Variants in SBK1 observed in about 807,000 individuals in gnomAD.
SBK1 encodes serine/threonine-protein kinase SBK1.
A neutral mutation model predicts 24.4 loss-of-function variants in SBK1; 11 were observed. The observed-to-expected ratio is 0.45, with a 90% CI of 0.28 to 0.75. The LOEUF is 0.75. Among genes scored for constraint, SBK1 ranks in the 30% least tolerant of loss-of-function variants. SBK1 has a pLI of 0.12. For synonymous variants in SBK1, 308 were observed against 284.4 expected, an observed-to-expected ratio of 1.08 and a Z score of -0.83; for missense variants, 467 against 620.5, an observed-to-expected ratio of 0.75 and a Z score of 2.63.
At chr16:28,263,332 A>G (rs1447795827) in intron 1 of SBK1, among the ~76,000 whole-genome samples, 1 of 152,246 alleles carries the variant, frequency 6.6e-6, no homozygotes, top group Non-Finnish European at 1.5e-5. Context: ...CAAGGTTCAA[A>G]GCCCATTGTG....
At chr16:28,313,423 C>T (rs2044768145) in intron 1 of SBK1, among the ~76,000 whole-genome samples, 1 of 151,644 alleles carries the variant, frequency 6.6e-6, no homozygotes, top group East Asian at 1.9e-4. Flanking sequence ...ATGGTGAAAC[C>T]CCATCTCTAC....
chr16:28,292,414 G>A, upstream of SBK1: 3 of 528,204 alleles, frequency 5.7e-6, no homozygotes, highest in Non-Finnish European at 7.2e-6. Context: ...GCGCTTGCGC[G>A]AGGGCGCGCG....
At chr16:28,265,528 C>T (rs2044422907) in intron 1 of SBK1, among the ~76,000 whole-genome samples, 1 of 151,668 alleles carries the variant, frequency 6.6e-6, no homozygotes, top group Non-Finnish European at 1.5e-5. Flanking sequence ...TTCAAGGTTA[C>T]AGTGATTGTA....
At position 28,321,160 on chromosome 16, in the gene SBK1, G is replaced by A. The variant is rs1484005777; in HGVS notation, c.*239G>A. 1 of 325,464 alleles carries A rather than the reference G, an allele frequency of 3.1e-6. No individual in the cohort carries two copies. The highest frequency in any genetic ancestry group is 5.6e-6 in the Non-Finnish European group (1 of 178,844). 20.2% of individuals were successfully genotyped at this position (325,464 alleles called of 1,614,324 possible). ...CAGAGGAGCCAAGCCGCACAGACCC[G>A]AGAATTCGGAGGCCACCACACAACA... On this transcript the variant is annotated 3_prime_UTR_variant, in exon 4 of 4. Transcript: ENST00000341901.
intron 1 of SBK1, among the ~76,000 whole-genome samples, chr16:28,297,543 C>A (rs2044649297): frequency 6.6e-6 from 1 of 152,128 alleles, no homozygotes; most frequent in South Asian, 2.1e-4. Flanking sequence ...CTGGATTCTG[C>A]CTGGGCTTGA....
chr16:28,307,739 C>CAAA (rs34787009), intron 1 of SBK1, among the ~76,000 whole-genome samples: 2 of 64,204 alleles, frequency 3.1e-5, no homozygotes, highest in African/African-American at 9.5e-5. Flanking sequence ...GACTCAGTCT[C>CAAA]AAAAAAAAAA....
chr16:28,317,971 G>T lies in SBK1; in HGVS notation c.226+354G>T, dbSNP rs1048143472. ...TATCACCAGCGTCTCAGGGATGTCT[G>T]GCCCCAGGAAGGTGGATGGAGAGTG... On this transcript the variant is annotated intron_variant, in intron 2 of 3. Transcript: ENST00000341901. The surrounding 1 kb of genome is among the most constrained non-coding windows in gnomAD (Gnocchi z 4.2). 6.6e-6 allele frequency among the ~76,000 whole-genome samples: 1 copy of T among 152,102 alleles called. No homozygotes were observed. The highest frequency in any genetic ancestry group is 2.4e-5 in the African/African-American group (1 of 41,412).
chr16:28,260,029 C>T (rs1163596582), intron 1 of SBK1, among the ~76,000 whole-genome samples: 1 of 151,998 alleles, frequency 6.6e-6, no homozygotes, highest in Non-Finnish European at 1.5e-5. Flanking sequence ...TGGCACCTAA[C>T]AGATGTTCCA....
intron 1 of SBK1, among the ~76,000 whole-genome samples, chr16:28,266,011 G>T (rs935312512): frequency 6.6e-6 from 1 of 151,840 alleles, no homozygotes; most frequent in Non-Finnish European, 1.5e-5. Flanking sequence ...ACAAAACCAG[G>T]TTTGATGTGG....
intron 1 of SBK1, among the ~76,000 whole-genome samples, chr16:28,303,881 C>T (rs1168677754): frequency 6.6e-6 from 1 of 152,146 alleles, no homozygotes; most frequent in Non-Finnish European, 1.5e-5. Flanking sequence ...CCCAAAGTGA[C>T]ACTGAGGCCC....
chr16:28,270,491 T>A (rs1382169397), intron 1 of SBK1, among the ~76,000 whole-genome samples: 1 of 151,930 alleles, frequency 6.6e-6, no homozygotes, highest in East Asian at 1.9e-4. Flanking sequence ...AGTGGCACAA[T>A]CATGTCTCAC....
At chr16:28,280,201 A>ATG (rs1244567625) in intron 1 of SBK1, among the ~76,000 whole-genome samples, 2 of 133,632 alleles carry the variant, frequency 1.5e-5, no homozygotes, top group Non-Finnish European at 3.2e-5. Flanking sequence ...ATGTACATAT[A>ATG]TGTATATATA....
intron 1 of SBK1, among the ~76,000 whole-genome samples, chr16:28,305,764 T>C (rs561681274): frequency 7.0e-6 from 1 of 142,290 alleles, no homozygotes; most frequent in East Asian, 2.2e-4. Context: ...TGGCCTTGAA[T>C]TCCTGACCTC....
Position 28,320,483 on chromosome 16 carries a change from G to A in SBK1, c.837G>A (p.Ser279=), listed in dbSNP as rs749706436. The change falls in exon 4 of 4, where the codon TCG becomes TCA. Residue 279 remains serine, a synonymous_variant. Transcript: ENST00000341901. The surrounding 1 kb of genome is among the most constrained non-coding windows in gnomAD (Gnocchi z 8.5). ...WQRGRLPGLP[S]QWRRFTEPAL... ...GGGGCCGCCTGCCGGGGCTGCCTTC[G>A]CAGTGGCGCCGCTTCACCGAGCCCG... is the stretch of plus-strand genomic sequence containing the variant. 5 of 1,573,662 alleles carry A rather than the reference G, an allele frequency of 3.2e-6. No homozygotes were observed. Among genetic ancestry groups the A allele is most frequent in the Non-Finnish European group, 4.3e-6 (5 of 1,166,694 alleles).
At position 28,286,988 on chromosome 16, in the gene SBK1, G is replaced by C. The variant is rs376328043; in HGVS notation, c.257+27486G>C. ...CAGGAGCCTGTAGTACCAGCTACCC[G>C]GGAGGCTGAGGCAGGAGAATTGCTT... On this transcript the variant is annotated intron_variant, in intron 1 of 3. Coordinates refer to the SBK1 transcript ENST00000671413. The C allele has an allele frequency of 1.1e-4, 17 of 152,090 alleles. 1 individual carries two copies. The highest frequency in any genetic ancestry group is 3.9e-4 in the African/African-American group (16 of 41,416). The allele number at this position is 152,090 out of a possible 1,614,324, so 9.4% of individuals were successfully genotyped here.
intron 1 of SBK1, among the ~76,000 whole-genome samples, chr16:28,270,521 G>A (rs1235414162): frequency 6.6e-6 from 1 of 151,830 alleles, no homozygotes; most frequent in Non-Finnish European, 1.5e-5. Flanking sequence ...AACCTCCTGA[G>A]CCCAAATGAT....
In SBK1 at chr16:28,320,475, C is replaced by G; in HGVS notation, c.829C>G (p.Leu277Val). The change falls in exon 4 of 4, where the codon CTG (leucine) becomes GTG (valine). Residue 277 changes from leucine to valine, a missense_variant. By Grantham distance (32) the Leu-to-Val change is conservative (BLOSUM62 1). Transcript: ENST00000341901. This position sits in a 1 kb window ranked among gnomAD's most constrained non-coding sequence, Gnocchi z 8.5. ...VRWQRGRLPG[L>V]PSQWRRFTEP... ...CTGGCAGCGGGGCCGCCTGCCGGGGCTGCCTTCGCAGTGGCGCCGCTTCAC... is the reference window on the plus strand; with the variant it reads ...CTGGCAGCGGGGCCGCCTGCCGGGGGTGCCTTCGCAGTGGCGCCGCTTCAC... 1 of 1,574,560 alleles carries G rather than the reference C, an allele frequency of 6.4e-7. No homozygotes were observed. The highest frequency in any genetic ancestry group is 1.1e-5 in the South Asian group (1 of 89,544).
chr16:28,318,672 C>T (rs550291079), intron 2 of SBK1, among the ~76,000 whole-genome samples: 1 of 152,292 alleles, frequency 6.6e-6, no homozygotes, highest in South Asian at 2.1e-4. Context: ...CTTAGGGAGA[C>T]CCGTTCTAGA....
chr16:28,264,458 C>T (rs1274223215), intron 1 of SBK1, among the ~76,000 whole-genome samples: 1 of 151,968 alleles, frequency 6.6e-6, no homozygotes, highest in Non-Finnish European at 1.5e-5. Context: ...CCTGTAGTCC[C>T]AGTTACTCAG....
Sources: allele counts gnomAD v4.1 joint callset (sites outside exome capture counted in the v4.1 genomes callset), GRCh38; gene constraint gnomAD v4.1.1; non-coding constraint Gnocchi (gnomAD v3.1); transcripts MANE v1.5; gene names NCBI Gene and HGNC (gene_info 2026-07-23, HGNC 2026-07-21).